CFAP299: variants seen among roughly 807,000 people sequenced by gnomAD.
The protein encoded by CFAP299 is cilia and flagella associated protein 299, also known as cilia- and flagella-associated protein 299.
A neutral mutation model predicts 27.0 loss-of-function variants in CFAP299; 21 were observed. The observed-to-expected ratio is 0.78, with a 90% confidence interval of 0.55 to 1.12. The LOEUF (loss-of-function observed/expected upper bound fraction) is 1.12, where lower values mean the gene tolerates loss of function less well. CFAP299 is among the 50% of genes most tolerant of loss of function. The pLI is 0.00. For missense variants in CFAP299, 310 were observed against 276.6 expected (o/e 1.12, Z -0.86); for synonymous variants, 104 against 98.1 (o/e 1.06, Z -0.36).
chr4:80,866,062 TATATATA>T (rs1732716539), intron 3 of CFAP299, among the ~76,000 whole-genome samples: 1 of 49,320 alleles, frequency 2.0e-5, no homozygotes, highest in African/African-American at 2.1e-4. Context: ...TAAAGTATTA[TATATATA>T]TATATATATA....
intron 3 of CFAP299, among the ~76,000 whole-genome samples, chr4:80,750,902 C>G (rs540970124): frequency 4.4e-4 from 67 of 152,292 alleles, no homozygotes; most frequent in African/African-American, 1.6e-3. Context: ...GATTTCTAGG[C>G]ATACAGCTCC....
chr4:80,665,549 A>C (rs1362551987), intron 3 of CFAP299, among the ~76,000 whole-genome samples: 1 of 151,936 alleles, frequency 6.6e-6, no homozygotes, highest in Non-Finnish European at 1.5e-5. Flanking sequence ...CATTCTCTAG[A>C]TGTGTCTTAT....
At chr4:80,822,715 G>A (rs1349381214) in intron 3 of CFAP299, among the ~76,000 whole-genome samples, 1 of 152,180 alleles carries the variant, frequency 6.6e-6, no homozygotes, top group Non-Finnish European at 1.5e-5. Flanking sequence ...GACCCCGTAA[G>A]AGGAAGAGAG....
intron 2 of CFAP299, among the ~76,000 whole-genome samples, chr4:80,464,224 C>T (rs1470298810): frequency 6.6e-6 from 1 of 152,078 alleles, no homozygotes. Flanking sequence ...CCGCCAATTG[C>T]TTGCTGCAAT....
chr4:80,504,462 C>CATATATATATATATATATATAT (rs56729877), intron 2 of CFAP299, among the ~76,000 whole-genome samples: 1 of 37,776 alleles, frequency 2.6e-5, no homozygotes, highest in Non-Finnish European at 5.0e-5. Flanking sequence ...TAAAATCTCA[C>CATATATATATATATATATATAT]ATATATATAT....
intron 4 of CFAP299, among the ~76,000 whole-genome samples, chr4:80,912,793 A>G (rs1560474128): frequency 6.6e-6 from 1 of 152,154 alleles, no homozygotes; most frequent in Non-Finnish European, 1.5e-5. Context: ...GGAGTGATCC[A>G]CTGGCCAGGC....
At chr4:80,547,430 T>C (rs977933419) in intron 2 of CFAP299, among the ~76,000 whole-genome samples, 1 of 152,118 alleles carries the variant, frequency 6.6e-6, no homozygotes, top group South Asian at 2.1e-4. Context: ...AAAAAATCCC[T>C]AGAAGAATAC....
intron 3 of CFAP299, among the ~76,000 whole-genome samples, chr4:80,606,174 T>C (rs1737660145): frequency 6.6e-6 from 1 of 152,222 alleles, no homozygotes; most frequent in Non-Finnish European, 1.5e-5. Context: ...CAATCATATG[T>C]CCCTTTCTCC....
chr4:80,686,352 C>A (rs1720194156), intron 3 of CFAP299, among the ~76,000 whole-genome samples: 1 of 152,190 alleles, frequency 6.6e-6, no homozygotes, highest in Non-Finnish European at 1.5e-5. Context: ...GCCTTTGGCT[C>A]AGAGAGTGTC....
Position 80,877,035 on chromosome 4 carries a change from A to T in CFAP299, c.476+6900A>T, listed in dbSNP as rs367781887. On this transcript the variant is annotated intron_variant, in intron 4 of 5. Coordinates refer to ENST00000358105, the MANE Select transcript of CFAP299 (RefSeq NM_152770.3). ...TGTGAGTAAGAATTATAGTGTCCCC[A>T]CAGCTTTGTGTGTGGAAGAGCTCTG... Among the ~76,000 whole-genome samples the T allele has an allele frequency of 9.9e-5, 15 of 152,190 alleles. No individual in the cohort carries two copies. The South Asian group carries it at 1.5e-3, about 15-fold the overall frequency.
chr4:80,578,954 G>A lies in CFAP299; in HGVS notation c.243-4139G>A, dbSNP rs1456893390. On this transcript the variant is annotated intron_variant, in intron 2 of 5. Coordinates refer to ENST00000358105, the MANE Select transcript of CFAP299 (RefSeq NM_152770.3). Reference sequence around the variant, plus strand: ...TTCCAATTTGATCACCAAGCCAATCGCACAAGAGCATCTTTTTCCAGAAAA... The same window carrying A: ...TTCCAATTTGATCACCAAGCCAATCACACAAGAGCATCTTTTTCCAGAAAA... 3.9e-5 allele frequency among the ~76,000 whole-genome samples: 6 copies of A among 152,196 alleles called. No homozygotes were observed. The East Asian group carries it at 9.6e-4, about 24-fold the overall frequency.
At chr4:80,414,192 T>TC (rs1279856802) in intron 2 of CFAP299, among the ~76,000 whole-genome samples, 3 of 147,618 alleles carry the variant, frequency 2.0e-5, no homozygotes, top group Non-Finnish European at 3.0e-5. Context: ...TGCCTCAGCC[T>TC]CCCAAGTAGC....
At chr4:80,492,781 A>C (rs1578510132) in intron 2 of CFAP299, among the ~76,000 whole-genome samples, 1 of 152,274 alleles carries the variant, frequency 6.6e-6, no homozygotes, top group East Asian at 1.9e-4. Flanking sequence ...GGCCTTTATC[A>C]TGGTTTCTAC....
intron 2 of CFAP299, among the ~76,000 whole-genome samples, chr4:80,516,314 C>T (rs983918780): frequency 6.6e-6 from 1 of 152,066 alleles, no homozygotes; most frequent in Non-Finnish European, 1.5e-5. Context: ...AGCCACTGTG[C>T]CTGGCCCTGT....
chr4:80,934,366 A>G (rs1195740309), intron 4 of CFAP299, among the ~76,000 whole-genome samples: 1 of 152,068 alleles, frequency 6.6e-6, no homozygotes, highest in Non-Finnish European at 1.5e-5. Context: ...TTATTGGTCT[A>G]TAATTGTCTC....
chr4:80,557,239 C>A (rs1329345143), intron 2 of CFAP299, among the ~76,000 whole-genome samples: 1 of 151,926 alleles, frequency 6.6e-6, no homozygotes, highest in Non-Finnish European at 1.5e-5. Flanking sequence ...TCTTATGTAC[C>A]CACCTCTTCC....
intron 2 of CFAP299, among the ~76,000 whole-genome samples, chr4:80,506,252 A>G (rs1344474657): frequency 1.3e-5 from 2 of 152,114 alleles, no homozygotes; most frequent in African/African-American, 4.8e-5. Flanking sequence ...AGTTTTGGTT[A>G]TAGTAAATCC....
chr4:80,807,441 T>G (rs1728920328), intron 3 of CFAP299, among the ~76,000 whole-genome samples: 2 of 152,138 alleles, frequency 1.3e-5, no homozygotes, highest in Non-Finnish European at 2.9e-5. Context: ...CGTTTTAGAT[T>G]ATCACAAAAA....
At chr4:80,495,853 A>G (rs921082469) in intron 2 of CFAP299, among the ~76,000 whole-genome samples, 1 of 152,162 alleles carries the variant, frequency 6.6e-6, no homozygotes, top group Admixed American at 6.5e-5. Context: ...GGCAACCCAA[A>G]TAAGCAGTGA....
Sources: gnomAD v4.1 joint callset for allele counts (sites outside exome capture counted in the v4.1 genomes callset) on GRCh38, gnomAD v4.1.1 for gene constraint, MANE v1.5 for transcripts, NCBI Gene and HGNC (gene_info 2026-07-23, HGNC 2026-07-21) for gene names.